The following CDH13 variants were observed in gnomAD, a reference collection of about 807,000 sequenced individuals.
The protein encoded by CDH13 is cadherin 13, also known as cadherin-13.
A neutral mutation model predicts 63.8 loss-of-function variants in CDH13; 24 were observed. The ratio of observed to expected loss-of-function variants is 0.38; its 90% CI spans 0.27 to 0.53. CDH13 has a LOEUF of 0.53. Among genes scored for constraint, CDH13 ranks in the 20% least tolerant of loss-of-function variants. The probability of loss-of-function intolerance (pLI) is 0.85; values close to 1 mark genes in which losing one functional copy is unlikely to be tolerated. For missense variants in CDH13, 1,049 were observed against 903.1 expected (o/e 1.16, Z -2.07); for synonymous variants, 503 against 355.3 (o/e 1.42, Z -4.67).
intron 1 of CDH13, among the ~76,000 whole-genome samples, chr16:82,737,470 G>A (rs10514560): frequency 0.31 from 46,900 of 152,144 alleles, 8,003 homozygotes; most frequent in East Asian, 0.69. Context: ...TCCTTGAAAC[G>A]TGCTCCTTAG....
At chr16:83,011,185 G>C (rs941802798) in intron 2 of CDH13, among the ~76,000 whole-genome samples, 1 of 152,140 alleles carries the variant, frequency 6.6e-6, no homozygotes, top group South Asian at 2.1e-4. Context: ...GTTGTTTGGA[G>C]ACTAGGTTTT....
chr16:83,782,841 C>T (rs1915622251), intron 12 of CDH13, among the ~76,000 whole-genome samples: 1 of 152,016 alleles, frequency 6.6e-6, no homozygotes, highest in African/African-American at 2.4e-5. Flanking sequence ...TGGATTTTCA[C>T]CTTAGCTTTC....
At chr16:82,923,931 C>G (rs1435599644) in intron 2 of CDH13, among the ~76,000 whole-genome samples, 1 of 152,204 alleles carries the variant, frequency 6.6e-6, no homozygotes, top group African/African-American at 2.4e-5. Flanking sequence ...CACAGAATTA[C>G]ATAGTCTGGA....
Position 83,216,397 on chromosome 16 carries a change from AATATATATATATATATATATATATATAT to A in CDH13, c.484-928_484-901del, listed in dbSNP as rs1158270310. Reference sequence around the variant, plus strand: ...TAATGTCCTCTGCCTCCAGCATTGAAATATATATATATATATATATATATATATATATATATATATATATATACACAAC... The same window carrying A: ...TAATGTCCTCTGCCTCCAGCATTGAAATATATATATATATATATACACAAC... On this transcript the variant is annotated intron_variant, in intron 4 of 13. Transcript: ENST00000567109. Among the ~76,000 whole-genome samples the A allele has an allele frequency of 5.6e-4, 9 of 16,092 alleles. 2 individuals carry two copies. The highest frequency in any genetic ancestry group is 1.3e-3 in the Admixed American group (1 of 792). The allele number at this position is 16,092 out of a possible 152,430, so 10.6% of individuals were successfully genotyped here. A position where few individuals can be genotyped will look rare whatever the true frequency, so the allele number is the denominator to read the frequency against.
intron 8 of CDH13, among the ~76,000 whole-genome samples, chr16:83,644,022 G>A (rs1358674004): frequency 6.6e-6 from 1 of 152,190 alleles, no homozygotes; most frequent in Non-Finnish European, 1.5e-5. Context: ...TGTAACGAGG[G>A]CAGCTAGAAG....
chr16:83,758,051 AAAG>A (rs1913659570), intron 11 of CDH13, among the ~76,000 whole-genome samples: 1 of 151,734 alleles, frequency 6.6e-6, no homozygotes, highest in Admixed American at 6.6e-5. Flanking sequence ...AAGAAAAAGA[AAAG>A]AAGAAAATCT....
At chr16:82,740,216 C>G (rs2033866910) in intron 1 of CDH13, among the ~76,000 whole-genome samples, 1 of 152,116 alleles carries the variant, frequency 6.6e-6, no homozygotes, top group South Asian at 2.1e-4. Context: ...GCATGCCATC[C>G]CAACAGAATC....
chr16:83,528,192 GC>G (rs1371287650), intron 7 of CDH13, among the ~76,000 whole-genome samples: 1 of 152,196 alleles, frequency 6.6e-6, no homozygotes, highest in Non-Finnish European at 1.5e-5. Context: ...TTGCACGCAT[GC>G]CTTCTTCCTT....
At chr16:83,681,072 A>G (rs1376892644) in intron 10 of CDH13, among the ~76,000 whole-genome samples, 1 of 151,900 alleles carries the variant, frequency 6.6e-6, no homozygotes, top group African/African-American at 2.4e-5. Flanking sequence ...AGTCACAAGC[A>G]CAACTCTCTG....
chr16:83,083,375 G>A (rs545223931), intron 3 of CDH13, among the ~76,000 whole-genome samples: 83 of 152,194 alleles, frequency 5.5e-4, no homozygotes, highest in Admixed American at 4.5e-3. Context: ...AGACAATAAG[G>A]ATAGGAGAGC....
chr16:82,981,335 A>C (rs186621875), intron 2 of CDH13, among the ~76,000 whole-genome samples: 8 of 152,214 alleles, frequency 5.3e-5, no homozygotes, highest in Non-Finnish European at 8.8e-5. Context: ...CACACACTGC[A>C]GTCCAATTTC....
chr16:83,410,489 C>G (rs887013632), intron 6 of CDH13, among the ~76,000 whole-genome samples: 2 of 152,080 alleles, frequency 1.3e-5, no homozygotes, highest in African/African-American at 4.8e-5. Flanking sequence ...CAGTGTTTAG[C>G]AAGGTTACTG....
intron 2 of CDH13, among the ~76,000 whole-genome samples, chr16:82,975,595 A>T (rs190522062): frequency 2.2e-4 from 33 of 152,346 alleles, no homozygotes; most frequent in Middle Eastern, 3.4e-3. Flanking sequence ...ACAAATAATC[A>T]TCGTAATGAT....
Position 83,653,147 on chromosome 16 carries a change from G to T in CDH13, c.1102-17643G>T, listed in dbSNP as rs1190665653. On this transcript the variant is annotated intron_variant, in intron 8 of 13. Coordinates refer to ENST00000567109, the MANE Select transcript of CDH13 (RefSeq NM_001257.5). ...AATTAGTGGTTGCCAGGGGCCGGGA[G>T]TGGGTGAAGAATGGGGAGTGGCTGC... is the stretch of plus-strand genomic sequence containing the variant. Among the ~76,000 whole-genome samples the T allele has an allele frequency of 2.0e-5, 3 of 152,164 alleles. No homozygotes were observed. The East Asian group carries it at 5.8e-4, about 29-fold the overall frequency.
intron 5 of CDH13, among the ~76,000 whole-genome samples, chr16:83,237,035 C>T: frequency 6.6e-6 from 1 of 151,970 alleles, no homozygotes; most frequent in East Asian, 1.9e-4. Flanking sequence ...GGTGTGAGGA[C>T]CAGGAGGAAG....
At chr16:83,659,018 G>A (rs1269143114) in intron 8 of CDH13, among the ~76,000 whole-genome samples, 4 of 143,788 alleles carry the variant, frequency 2.8e-5, no homozygotes, top group Admixed American at 1.4e-4. Flanking sequence ...TCACCACCAG[G>A]TCCCATATCC....
intron 1 of CDH13, among the ~76,000 whole-genome samples, chr16:82,819,311 C>G (rs1451322022): frequency 1.3e-5 from 2 of 152,150 alleles, no homozygotes; most frequent in Non-Finnish European, 2.9e-5. Flanking sequence ...GGTATTGAAC[C>G]TTTTCAGCCA....
chr16:82,773,414 C>T (rs56219641), intron 1 of CDH13: 32,487 of 152,228 alleles, frequency 0.21, 3,707 homozygotes, highest in East Asian at 0.49. Context: ...CACTTCTGGG[C>T]CCCCAGGGAT....
intron 10 of CDH13, among the ~76,000 whole-genome samples, chr16:83,679,097 T>TTAA (rs58075126): frequency 2.0e-5 from 3 of 151,084 alleles, no homozygotes; most frequent in African/African-American, 7.3e-5. Context: ...CAGGCAAAAA[T>TTAA]TAATAATAAT....
Sources: allele counts gnomAD v4.1 joint callset (sites outside exome capture counted in the v4.1 genomes callset), GRCh38; gene constraint gnomAD v4.1.1; transcripts MANE v1.5; gene names NCBI Gene and HGNC (gene_info 2026-07-23, HGNC 2026-07-21).